Variants in CACNB4 observed in about 807,000 individuals in gnomAD.
CACNB4 encodes the protein voltage-dependent L-type calcium channel subunit beta-4.
Under a neutral mutation model 71.2 loss-of-function variants are expected in CACNB4, and 32 were observed. The ratio of observed to expected loss-of-function variants is 0.45; its 90% CI spans 0.34 to 0.60. CACNB4 has a LOEUF of 0.60. Ranked by LOEUF, CACNB4 falls within the 20% of genes least tolerant of loss-of-function variation. The probability of loss-of-function intolerance (pLI) is 0.01; values close to 1 mark genes in which losing one functional copy is unlikely to be tolerated. For missense variants in CACNB4, 464 were observed against 647.9 expected, an observed-to-expected ratio of 0.72 and a Z score of 3.08; for synonymous variants, 231 against 236.9, an observed-to-expected ratio of 0.97 and a Z score of 0.23.
intron 2 of CACNB4, among the ~76,000 whole-genome samples, chr2:151,892,196 C>T (rs2099850881): frequency 6.6e-6 from 1 of 152,140 alleles, no homozygotes; most frequent in African/African-American, 2.4e-5. Flanking sequence ...AAGTGATTGA[C>T]TGAGAGACGC....
intron 2 of CACNB4, among the ~76,000 whole-genome samples, chr2:152,024,891 A>G (rs1683880239): frequency 6.6e-6 from 1 of 152,090 alleles, no homozygotes; most frequent in African/African-American, 2.4e-5. Context: ...CTCCATCTCT[A>G]CTAAAAATAC....
At chr2:152,049,088 T>C (rs1360419951) in intron 2 of CACNB4, among the ~76,000 whole-genome samples, 1 of 152,176 alleles carries the variant, frequency 6.6e-6, no homozygotes, top group Non-Finnish European at 1.5e-5. Flanking sequence ...GCACTCCCTA[T>C]ATCTTTACCC....
At chr2:151,882,181 CTTTTTTTTTTTTTTTT>C (rs35206904) in intron 3 of CACNB4, among the ~76,000 whole-genome samples, 25 of 50,798 alleles carry the variant, frequency 4.9e-4, no homozygotes, top group Non-Finnish European at 1.1e-4. Context: ...ACCGGCCCCT[CTTTTTTTTTTTTTTTT>C]TTTTTTTTTT....
chr2:152,037,075 T>TG (rs1451567482), intron 2 of CACNB4, among the ~76,000 whole-genome samples: 4 of 152,192 alleles, frequency 2.6e-5, no homozygotes, highest in Non-Finnish European at 4.4e-5. Flanking sequence ...TTTCCACACT[T>TG]GCGGCTCAGG....
chr2:151,844,408 G>A (rs566890835), intron 12 of CACNB4, among the ~76,000 whole-genome samples: 35 of 151,722 alleles, frequency 2.3e-4, no homozygotes, highest in Admixed American at 1.4e-3. Context: ...GTAGAGGGAC[G>A]AAAATAAAAC....
At chr2:152,032,779 C>CT (rs1684355223) in intron 2 of CACNB4, among the ~76,000 whole-genome samples, 1 of 151,416 alleles carries the variant, frequency 6.6e-6, no homozygotes, top group Non-Finnish European at 1.5e-5. Context: ...ATAGTGAGAC[C>CT]CCCCATCTCT....
intron 2 of CACNB4, among the ~76,000 whole-genome samples, chr2:152,038,936 T>C (rs1020053453): frequency 2.0e-5 from 3 of 152,160 alleles, no homozygotes; most frequent in African/African-American, 4.8e-5. Context: ...TGCTGGCCCA[T>C]TGGCTAGAGC....
In CACNB4 at chr2:152,098,385, C is replaced by A. The variant is rs1481015494; in HGVS notation, c.92G>T (p.Ser31Ile). Reference sequence around the variant, plus strand: ...GCTGCCATCGGATCTTTTCAACCTGCTCCTCCGGGTTGTGGTGCCTCGGGC... The same window carrying A: ...GCTGCCATCGGATCTTTTCAACCTGATCCTCCGGGTTGTGGTGCCTCGGGC... ...QVARGTTTRR[S>I]RLKRSDGSTT... Residue 31 changes from serine (S) to isoleucine (I), a missense_variant, in exon 2 of 14, where the codon AGC becomes ATC. Coordinates refer to ENST00000539935, the MANE Select transcript of CACNB4 (RefSeq NM_000726.5). This position sits in a 1 kb window ranked among gnomAD's most constrained non-coding sequence, Gnocchi z 5.3. 6.2e-7 allele frequency: 1 copy of A among 1,613,718 alleles called. No individual in the cohort carries two copies. The highest frequency in any genetic ancestry group is 1.7e-5 in the Admixed American group (1 of 60,028).
chr2:151,974,406 G>A (rs997595618), intron 2 of CACNB4, among the ~76,000 whole-genome samples: 1 of 152,114 alleles, frequency 6.6e-6, no homozygotes, highest in Non-Finnish European at 1.5e-5. Context: ...TAAACAGATG[G>A]TAAGATTTCT....
intron 2 of CACNB4, among the ~76,000 whole-genome samples, chr2:151,976,828 C>T (rs1021388038): frequency 6.6e-6 from 1 of 152,132 alleles, no homozygotes; most frequent in African/African-American, 2.4e-5. Flanking sequence ...GGGAGCTTCC[C>T]GAGCCTGTTT....
chr2:152,014,507 C>T (rs1398612021), intron 2 of CACNB4, among the ~76,000 whole-genome samples: 1 of 149,592 alleles, frequency 6.7e-6, no homozygotes, highest in African/African-American at 2.5e-5. Flanking sequence ...GAGGTGGGCA[C>T]ATCACTTGAG....
chr2:152,061,920 G>C (rs912793691), intron 2 of CACNB4, among the ~76,000 whole-genome samples: 1 of 151,658 alleles, frequency 6.6e-6, no homozygotes, highest in East Asian at 1.9e-4. Context: ...GCTGAGAGAG[G>C]AGAATCACAT....
intron 2 of CACNB4, among the ~76,000 whole-genome samples, chr2:151,966,438 G>T (rs1378793180): frequency 1.3e-5 from 2 of 151,854 alleles, no homozygotes; most frequent in Non-Finnish European, 2.9e-5. Context: ...CCACCACCAC[G>T]CCCAACTAAT....
At chr2:151,957,255 GGCGTGT>G (rs1364771244) in intron 2 of CACNB4, among the ~76,000 whole-genome samples, 56 of 25,006 alleles carry the variant, frequency 2.2e-3, no homozygotes, top group African/African-American at 3.9e-3. Context: ...AGAGTGGCTG[GGCGTGT>G]GTGTGTGTGT....
intron 2 of CACNB4, among the ~76,000 whole-genome samples, chr2:152,018,938 G>C (rs1294797972): frequency 6.6e-6 from 1 of 151,960 alleles, no homozygotes. Flanking sequence ...TTCTCTCTTA[G>C]GCAAGAGAGC....
intron 2 of CACNB4, among the ~76,000 whole-genome samples, chr2:151,884,503 G>C (rs569746981): frequency 4.0e-5 from 6 of 150,238 alleles, no homozygotes; most frequent in African/African-American, 1.5e-4. Flanking sequence ...GCGTGGTGGC[G>C]GGCGCCTGTA....
At chr2:151,995,052 G>A (rs1681962284) in intron 2 of CACNB4, among the ~76,000 whole-genome samples, 1 of 152,132 alleles carries the variant, frequency 6.6e-6, no homozygotes, top group Non-Finnish European at 1.5e-5. Flanking sequence ...AGAAACTTTG[G>A]TTTTTACATC....
At chr2:152,023,333 A>G (rs1308691793) in intron 2 of CACNB4, among the ~76,000 whole-genome samples, 2 of 152,166 alleles carry the variant, frequency 1.3e-5, no homozygotes, top group Non-Finnish European at 2.9e-5. Context: ...GGGTGGGGAC[A>G]CAGAGCCAAA....
At chr2:151,977,048 T>TC (rs143260779) in intron 2 of CACNB4, among the ~76,000 whole-genome samples, 9,017 of 152,228 alleles carry the variant, frequency 0.059, 855 homozygotes, top group African/African-American at 0.21. Context: ...GGCCTACTTC[T>TC]CCCACCTGAG....
Sources: gnomAD v4.1 joint callset for allele counts (sites outside exome capture counted in the v4.1 genomes callset) on GRCh38, gnomAD v4.1.1 for gene constraint, Gnocchi (gnomAD v3.1) non-coding constraint, MANE v1.5 for transcripts, NCBI Gene and HGNC (gene_info 2026-07-23, HGNC 2026-07-21) for gene names.